Variants in CSMD3 observed in about 807,000 individuals in gnomAD.
CSMD3 encodes the protein CUB and sushi domain-containing protein 3.
In CSMD3, 177 loss-of-function variants were observed where a neutral mutation model predicts 435.2. The observed-to-expected ratio is 0.41, with a 90% CI of 0.36 to 0.46. The LOEUF is 0.46. Ranked by LOEUF, CSMD3 falls within the 20% of genes least tolerant of loss-of-function variation. The pLI, the probability that CSMD3 is intolerant of heterozygous loss-of-function variation, is 0.34. For synonymous variants in CSMD3, 1,656 were observed against 1,520.5 expected, an observed-to-expected ratio of 1.09 and a Z score of -2.07; for missense variants, 4,265 against 4,504.6, an observed-to-expected ratio of 0.95 and a Z score of 1.52.
intron 17 of CSMD3, among the ~76,000 whole-genome samples, chr8:112,663,636 T>A (rs1301214188): frequency 2.0e-5 from 3 of 148,508 alleles, no homozygotes; most frequent in South Asian, 2.1e-4. Context: ...TAAAGTATAA[T>A]AAAAAAAAAA....
intron 1 of CSMD3, among the ~76,000 whole-genome samples, chr8:113,397,492 T>G (rs2094489074): frequency 6.6e-6 from 1 of 152,042 alleles, no homozygotes; most frequent in Admixed American, 6.6e-5. Context: ...ATTTTGAATC[T>G]CTAATACTTC....
intron 2 of CSMD3, chr8:113,309,200 C>T (rs1236856305): frequency 6.6e-6 from 1 of 152,048 alleles, no homozygotes; most frequent in African/African-American, 2.4e-5. Flanking sequence ...ATTGGCCTCC[C>T]AAAGTTTTTT....
At chr8:112,921,774 A>C in intron 9 of CSMD3, 23 bp from the exon 10 acceptor site, 1 of 1,579,194 alleles carries the variant, frequency 6.3e-7, no homozygotes, top group Non-Finnish European at 8.7e-7. Flanking sequence ...AAAAGAGAAA[A>C]AATATGATAA....
At chr8:113,400,529 C>T (rs918871341) in intron 1 of CSMD3, among the ~76,000 whole-genome samples, 2 of 151,890 alleles carry the variant, frequency 1.3e-5, no homozygotes, top group Admixed American at 6.6e-5. Flanking sequence ...AGCCTGAGTG[C>T]TACAGACGTT....
intron 3 of CSMD3, among the ~76,000 whole-genome samples, chr8:113,220,322 G>C (rs190984632): frequency 3.1e-4 from 47 of 151,360 alleles, no homozygotes; most frequent in Non-Finnish European, 6.1e-4. Context: ...TCTAGAACTA[G>C]GACAGGCCAG....
chr8:112,541,207 A>G (rs1405973855), intron 27 of CSMD3, among the ~76,000 whole-genome samples: 1 of 151,888 alleles, frequency 6.6e-6, no homozygotes, highest in Admixed American at 6.6e-5. Context: ...TAAATAACCT[A>G]ACTTTCTCCT....
intron 4 of CSMD3, among the ~76,000 whole-genome samples, chr8:113,147,555 T>TTCCCAGTCCATATTTCAAAAGC (rs1248409014): frequency 6.6e-6 from 1 of 151,666 alleles, no homozygotes; most frequent in Non-Finnish European, 1.5e-5. Context: ...CTCGCTTCTC[T>TTCCCAGTCCATATTTCAAAAGC]TCCCAGTCCA....
intron 9 of CSMD3, 47 bp from the exon 10 acceptor site, chr8:112,921,798 T>C (rs770789259): frequency 1.1e-5 from 16 of 1,463,124 alleles, no homozygotes; most frequent in African/African-American, 5.6e-5. Context: ...AGATGCAACA[T>C]AATAACTAGG....
intron 13 of CSMD3, among the ~76,000 whole-genome samples, chr8:112,729,917 C>A (rs1352545771): frequency 6.6e-6 from 1 of 152,068 alleles, no homozygotes; most frequent in African/African-American, 2.4e-5. Context: ...GAATAAATTT[C>A]TTTTGTTTTC....
In CSMD3 at chr8:113,376,863, G is replaced by A. The variant is rs376228829; in HGVS notation, c.178+59814C>T. 2.5e-6 allele frequency: 4 copies of A among 1,611,082 alleles called. No individual in the cohort carries two copies. In the African/African-American group the frequency reaches 4.0e-5, roughly 16 times the overall value. On this transcript the variant is annotated intron_variant, in intron 1 of 70. Transcript: ENST00000297405. ...ACCGGCCACCTCTGCCCCTTTCCCGGATGATCTGGAAGATGAAGCTTCCTG... is the reference window on the plus strand; with the variant it reads ...ACCGGCCACCTCTGCCCCTTTCCCGAATGATCTGGAAGATGAAGCTTCCTG...
intron 5 of CSMD3, among the ~76,000 whole-genome samples, chr8:113,042,865 T>C (rs1386676817): frequency 6.6e-6 from 1 of 152,220 alleles, no homozygotes; most frequent in Non-Finnish European, 1.5e-5. Flanking sequence ...TCTAACTGCA[T>C]GGAAGGAAGC....
chr8:112,752,949 A>C (rs896699275), intron 13 of CSMD3, among the ~76,000 whole-genome samples: 1 of 148,968 alleles, frequency 6.7e-6, no homozygotes, highest in African/African-American at 2.5e-5. Flanking sequence ...GTACAGAGAT[A>C]GGGTCTCCCT....
intron 13 of CSMD3, among the ~76,000 whole-genome samples, chr8:112,726,619 T>A (rs1020530796): frequency 1.1e-4 from 17 of 151,876 alleles, no homozygotes; most frequent in African/African-American, 3.9e-4. Context: ...CATATGGAGC[T>A]TGGATTTAGG....
chr8:112,385,555 A>G (rs949980370), intron 36 of CSMD3, among the ~76,000 whole-genome samples: 4 of 6,432 alleles, frequency 6.2e-4, no homozygotes, highest in African/African-American at 3.6e-3. Context: ...AGTAAAAGTG[A>G]AAGACAATTT....
intron 22 of CSMD3, among the ~76,000 whole-genome samples, chr8:112,624,142 A>G (rs1179493550): frequency 2.0e-5 from 3 of 152,152 alleles, no homozygotes; most frequent in Non-Finnish European, 4.4e-5. Flanking sequence ...TTGTAACAAC[A>G]TATTATGATA....
chr8:113,180,249 CCAAA>C (rs1804662286), intron 3 of CSMD3, among the ~76,000 whole-genome samples: 2 of 151,972 alleles, frequency 1.3e-5, no homozygotes, highest in East Asian at 3.9e-4. Context: ...CCTGAGACTT[CCAAA>C]CACTTAACAA....
intron 8 of CSMD3, among the ~76,000 whole-genome samples, chr8:112,952,713 TGAAAAACCAAG>T (rs2083868092): frequency 4.0e-5 from 6 of 151,440 alleles, no homozygotes; most frequent in Non-Finnish European, 8.9e-5. Flanking sequence ...TTCAAAAAAA[TGAAAAACCAAG>T]AGTATTTAAA....
chr8:113,141,007 GAAATATCACT>G (rs2131730022), intron 4 of CSMD3, among the ~76,000 whole-genome samples: 1 of 150,710 alleles, frequency 6.6e-6, no homozygotes, highest in East Asian at 2.0e-4. Flanking sequence ...AATGGAAGAT[GAAATATCACT>G]AAAGACCCTG....
chr8:113,294,506 T>C (rs1048727297), intron 2 of CSMD3, among the ~76,000 whole-genome samples: 1 of 152,160 alleles, frequency 6.6e-6, no homozygotes, highest in Admixed American at 6.6e-5. Flanking sequence ...CCACTTTCTT[T>C]TTGCTGTTCT....
Sources: allele counts gnomAD v4.1 joint callset (sites outside exome capture counted in the v4.1 genomes callset), GRCh38; gene constraint gnomAD v4.1.1; transcripts MANE v1.5; gene names NCBI Gene and HGNC (gene_info 2026-07-23, HGNC 2026-07-21).